The following BRINP1 variants were observed in gnomAD, a reference collection of about 807,000 sequenced individuals.
BRINP1 encodes the protein BMP/retinoic acid inducible neural specific 1, also known as BMP/retinoic acid-inducible neural-specific protein 1.
In BRINP1, 17 loss-of-function variants were observed where a neutral mutation model predicts 72.9. That is an observed-to-expected ratio of 0.23 (90% CI 0.16 to 0.35). The LOEUF is 0.35. Among genes scored for constraint, BRINP1 ranks in the 10% least tolerant of loss-of-function variants. The pLI is 1.00. For missense variants in BRINP1, 850 were observed against 1,001.6 expected (o/e 0.85, Z 2.04); for synonymous variants, 418 against 378.5 (o/e 1.10, Z -1.21).
chr9:119,170,569 C>A (rs7022589), intron 7 of BRINP1, among the ~76,000 whole-genome samples: 15 of 150,806 alleles, frequency 9.9e-5, no homozygotes, highest in African/African-American at 3.4e-4. Flanking sequence ...AGGATATTAT[C>A]CAGGAGAACT....
chr9:119,205,123 C>T (rs577188865), intron 7 of BRINP1, among the ~76,000 whole-genome samples: 1 of 152,156 alleles, frequency 6.6e-6, no homozygotes, highest in East Asian at 1.9e-4. Context: ...CAGAGAGGTG[C>T]CCTGCGGTGT....
At chr9:119,313,497 G>C (rs983223693) in intron 1 of BRINP1, 92 bp from the exon 2 acceptor site, 2 of 1,217,490 alleles carry the variant, frequency 1.6e-6, no homozygotes, top group Non-Finnish European at 2.2e-6. Context: ...AAAGACACAG[G>C]AAAAGAAAAA....
chr9:119,203,861 T>C (rs1829827219), intron 7 of BRINP1, among the ~76,000 whole-genome samples: 1 of 152,218 alleles, frequency 6.6e-6, no homozygotes, highest in South Asian at 2.1e-4. Flanking sequence ...ATTGCTATTG[T>C]ACCTCATCTC....
intron 5 of BRINP1, among the ~76,000 whole-genome samples, chr9:119,218,743 G>A (rs1037582867): frequency 1.9e-5 from 2 of 104,596 alleles, no homozygotes; most frequent in South Asian, 3.9e-4. Flanking sequence ...CTGAAACTCA[G>A]GGATTTTTTT....
intron 2 of BRINP1, among the ~76,000 whole-genome samples, chr9:119,250,965 G>C (rs893594193): frequency 2.0e-5 from 3 of 152,156 alleles, no homozygotes; most frequent in Non-Finnish European, 4.4e-5. Flanking sequence ...CAGAACAGTG[G>C]GGGTATCTGG....
chr9:119,179,948 C>T (rs965891379), intron 7 of BRINP1, among the ~76,000 whole-genome samples: 26 of 152,186 alleles, frequency 1.7e-4, no homozygotes, highest in Admixed American at 4.6e-4. Flanking sequence ...CTCATCATTT[C>T]GAGGACAGTC....
chr9:119,224,143 T>A (rs1425036162), intron 5 of BRINP1, among the ~76,000 whole-genome samples: 1 of 152,086 alleles, frequency 6.6e-6, no homozygotes, highest in Non-Finnish European at 1.5e-5. Flanking sequence ...GAATATGACA[T>A]GGTTTATGGC....
At chr9:119,169,972 C>A (rs1162500957) in intron 7 of BRINP1, among the ~76,000 whole-genome samples, 1 of 152,172 alleles carries the variant, frequency 6.6e-6, no homozygotes, top group Non-Finnish European at 1.5e-5. Context: ...ACACCAAAAA[C>A]CCACCTGTAC....
intron 1 of BRINP1, among the ~76,000 whole-genome samples, chr9:119,365,099 A>T (rs568806053): frequency 1.3e-5 from 2 of 152,348 alleles, no homozygotes; most frequent in Admixed American, 6.5e-5. Flanking sequence ...CCAGCGCTAT[A>T]AAGCAGGGCA....
At chr9:119,193,329 A>T (rs182423320) in intron 7 of BRINP1, among the ~76,000 whole-genome samples, 4 of 152,286 alleles carry the variant, frequency 2.6e-5, no homozygotes, top group African/African-American at 9.6e-5. Flanking sequence ...CGGAAATACA[A>T]ATATTGCATG....
chr9:119,253,282 A>G (rs1830412076), intron 2 of BRINP1, among the ~76,000 whole-genome samples: 1 of 152,240 alleles, frequency 6.6e-6, no homozygotes, highest in African/African-American at 2.4e-5. Context: ...AAAAGAATGG[A>G]AATACATATT....
At chr9:119,248,622 A>G (rs1830347187) in intron 3 of BRINP1, among the ~76,000 whole-genome samples, 1 of 152,226 alleles carries the variant, frequency 6.6e-6, no homozygotes, top group Non-Finnish European at 1.5e-5. Context: ...TTCCCTAAAC[A>G]ATATCTGAAA....
chr9:119,252,159 C>T (rs1427689456), intron 2 of BRINP1, among the ~76,000 whole-genome samples: 1 of 152,088 alleles, frequency 6.6e-6, no homozygotes, highest in East Asian at 1.9e-4. Context: ...TGGCAAGGAG[C>T]CGAGGGAATC....
chr9:119,170,445 G>T (rs1432273840), intron 7 of BRINP1, among the ~76,000 whole-genome samples: 1 of 150,716 alleles, frequency 6.6e-6, no homozygotes, highest in Non-Finnish European at 1.5e-5. Context: ...AGAATAAAAA[G>T]AAATGAGCAA....
intron 7 of BRINP1, among the ~76,000 whole-genome samples, chr9:119,182,871 T>A (rs534585831): frequency 1.3e-5 from 2 of 152,318 alleles, no homozygotes; most frequent in South Asian, 4.1e-4. Context: ...GACAGGCACT[T>A]CATCAAAAAG....
intron 3 of BRINP1, among the ~76,000 whole-genome samples, chr9:119,243,798 C>T (rs575573078): frequency 2.0e-5 from 3 of 152,288 alleles, no homozygotes; most frequent in Non-Finnish European, 2.9e-5. Context: ...GGGGTGACAT[C>T]ATATATCTAT....
At chr9:119,282,052 G>C (rs2118963270) in intron 2 of BRINP1, among the ~76,000 whole-genome samples, 1 of 152,276 alleles carries the variant, frequency 6.6e-6, no homozygotes, top group East Asian at 1.9e-4. Flanking sequence ...TAGCTCATAG[G>C]CATCTTGAAT....
chr9:119,308,408 A>G (rs1321574921), intron 2 of BRINP1, among the ~76,000 whole-genome samples: 1 of 152,164 alleles, frequency 6.6e-6, no homozygotes, highest in Admixed American at 6.6e-5. Flanking sequence ...ACTTGTCTGT[A>G]AGCTCCTTGA....
chr9:119,248,873 G>T, intron 3 of BRINP1, 87 bp downstream of exon 3: 1 of 1,166,832 alleles, frequency 8.6e-7, no homozygotes, highest in Non-Finnish European at 1.2e-6. Flanking sequence ...AAGCTAAGAA[G>T]GCTTTGCTGT....
Sources: gnomAD v4.1 joint callset for allele counts (sites outside exome capture counted in the v4.1 genomes callset) on GRCh38, gnomAD v4.1.1 for gene constraint, MANE v1.5 for transcripts, NCBI Gene and HGNC (gene_info 2026-07-23, HGNC 2026-07-21) for gene names.